The following ABCC2 variants were observed in gnomAD, a reference collection of about 807,000 sequenced individuals.
The protein encoded by ABCC2 is ATP-binding cassette sub-family C member 2.
ABCC2 carries 157 observed loss-of-function variants against 173.4 expected under a neutral mutation model. The observed-to-expected ratio is 0.91, with a 90% CI of 0.80 to 1.03. The LOEUF (loss-of-function observed/expected upper bound fraction) is 1.03, where lower values mean the gene tolerates loss of function less well. Ranked by LOEUF, ABCC2 falls within the 50% of genes least tolerant of loss-of-function variation. ABCC2 has a pLI of 0.00. For missense variants in ABCC2, 1,822 were observed against 1,852.3 expected (o/e 0.98, Z 0.30); for synonymous variants, 657 against 693.5 (o/e 0.95, Z 0.83).
chr10:99,828,604 T>C (rs111876580), intron 19 of ABCC2, among the ~76,000 whole-genome samples: 4 of 152,368 alleles, frequency 2.6e-5, no homozygotes, highest in African/African-American at 9.6e-5. Context: ...TATATGTTTG[T>C]TTCATTTCCT....
chr10:99,847,183 C>CTCCTCGTGT lies in ABCC2; in HGVS notation c.4313+67_4313+75dup, dbSNP rs1450800313. ...GCAATGAGAGGATGTGAGGGGGCCACTCCTCGTGTTCCTCGTGTTAGGTGA... is the reference window on the plus strand; with the variant it reads ...GCAATGAGAGGATGTGAGGGGGCCACTCCTCGTGTTCCTCGTGTTCCTCGTGTTAGGTGA... On this transcript the variant is annotated intron_variant, in intron 30 of 31. Coordinates refer to ENST00000647814, the MANE Select transcript of ABCC2 (RefSeq NM_000392.5). 3.1e-6 allele frequency: 5 copies of CTCCTCGTGT among 1,593,132 alleles called. No individual in the cohort carries two copies. In the East Asian group the frequency reaches 1.1e-4, roughly 36 times the overall value.
At position 99,834,486 on chromosome 10, in the gene ABCC2, T is replaced by C; in HGVS notation, c.3365T>C (p.Val1122Ala). The C allele has an allele frequency of 6.2e-7, 1 of 1,614,220 alleles. No homozygotes were observed. Among genetic ancestry groups the C allele is most frequent in the Non-Finnish European group, 8.5e-7 (1 of 1,180,034 alleles). ...GTCATGATCTGCATGGCCACTCCTG[T>C]CTTCACCATCATCGTCATTCCTCTT... ...TLVMICMATP[V>A]FTIIVIPLGI... Residue 1122 changes from valine to alanine, a missense_variant, in exon 24 of 32, where the codon GTC becomes GCC. Physicochemically the swap from Val to Ala is moderately conservative, Grantham distance 64 (BLOSUM62 0). Coordinates refer to ENST00000647814, the MANE Select transcript of ABCC2 (RefSeq NM_000392.5).
In ABCC2 at chr10:99,794,417, C is replaced by T; in HGVS notation, c.581C>T (p.Pro194Leu). The change falls in exon 6 of 32, where the codon CCA becomes CTA. Residue 194 changes from proline (P) to leucine (L), a missense_variant. Pro to Leu is a moderately conservative substitution (Grantham distance 98). Transcript: ENST00000647814. ...FSENNESSNN[P>L]SSIASFLSSI... ...CGATTTTTTTGTGTCTTTCAGAATC[C>T]ATCATCCATAGCTTCATTCCTGAGT... is the stretch of plus-strand genomic sequence containing the variant. The T allele has an allele frequency of 5.6e-6, 9 of 1,613,844 alleles. No homozygotes were observed. The highest frequency in any genetic ancestry group is 7.6e-6 in the Non-Finnish European group (9 of 1,179,844).
At chr10:99,797,014 T>G in intron 6 of ABCC2, 83 bp from the exon 7 acceptor site, 1 of 1,210,764 alleles carries the variant, frequency 8.3e-7, no homozygotes, top group Non-Finnish European at 1.2e-6. Flanking sequence ...TCCCAGAACC[T>G]GGAGGTAGGT....
chr10:99,792,185 C>G (rs1181891303), intron 2 of ABCC2, 49 bp from the exon 3 acceptor site: 6 of 1,611,368 alleles, frequency 3.7e-6, no homozygotes, highest in East Asian at 2.2e-5. Flanking sequence ...GTTCTAAGAG[C>G]CTTATAAAGA....
Position 99,821,565 on chromosome 10 carries a change from G to A in ABCC2, c.2620+2296G>A, listed in dbSNP as rs935553149. ...TTAGGGAGTGGTGATGACTCTTAAC[G>A]AGCATGCTGCCTTCAAGCATCTGTT... is the stretch of plus-strand genomic sequence containing the variant. On this transcript the variant is annotated intron_variant, in intron 19 of 31. Coordinates refer to ENST00000647814, the MANE Select transcript of ABCC2 (RefSeq NM_000392.5). 1.1e-4 allele frequency among the ~76,000 whole-genome samples: 16 copies of A among 152,194 alleles called. No homozygotes were observed. The South Asian group carries it at 2.3e-3, about 22-fold the overall frequency.
Position 99,831,969 on chromosome 10 carries a change from A to G in ABCC2, c.3104-8A>G, listed in dbSNP as rs1590182778. 6.2e-7 allele frequency: 1 copy of G among 1,614,186 alleles called. No individual in the cohort carries two copies. Among genetic ancestry groups the G allele is most frequent in the Admixed American group, 1.7e-5 (1 of 60,026 alleles). On this transcript the variant is annotated splice_region_variant and splice_polypyrimidine_tract_variant and intron_variant, in intron 22 of 31. Coordinates refer to ENST00000647814, the MANE Select transcript of ABCC2 (RefSeq NM_000392.5). Reference sequence around the variant, plus strand: ...GCATGGTGCTGACAAAACTGCTTCCATCTCTAGGTATATTTGTGTTCATAG... The same window carrying G: ...GCATGGTGCTGACAAAACTGCTTCCGTCTCTAGGTATATTTGTGTTCATAG...
Position 99,851,810 on chromosome 10 carries a change from G to T in ABCC2, c.*179G>T. On this transcript the variant is annotated 3_prime_UTR_variant, in exon 32 of 32. Coordinates refer to ENST00000647814, the MANE Select transcript of ABCC2 (RefSeq NM_000392.5). Reference sequence around the variant, plus strand: ...AAAATAAATGTCACCAGGTACTTGAGAAACCCCTCGATTGTCTACCTCGAT... The same window carrying T: ...AAAATAAATGTCACCAGGTACTTGATAAACCCCTCGATTGTCTACCTCGAT... 1 of 577,400 alleles carries T rather than the reference G, an allele frequency of 1.7e-6. No homozygotes were observed. The highest frequency in any genetic ancestry group is 2.8e-6 in the Non-Finnish European group (1 of 351,362). The allele number at this position is 577,400 out of a possible 1,614,324, so 35.8% of individuals were successfully genotyped here.
chr10:99,794,608 G>C (rs1207280805), intron 6 of ABCC2, 140 bp downstream of exon 6: 1 of 794,084 alleles, frequency 1.3e-6, no homozygotes, highest in Non-Finnish European at 2.0e-6. Flanking sequence ...GCAATGGTGT[G>C]ATCTTGGCTC....
At chr10:99,825,538 A>C (rs573546132) in intron 19 of ABCC2, among the ~76,000 whole-genome samples, 1 of 152,192 alleles carries the variant, frequency 6.6e-6, no homozygotes, top group South Asian at 2.1e-4. Flanking sequence ...TTTTTATTTC[A>C]CTATTTCCAC....
chr10:99,808,365 C>A, intron 13 of ABCC2, 136 bp downstream of exon 13: 1 of 1,208,952 alleles, frequency 8.3e-7, no homozygotes, highest in African/African-American at 1.5e-5. Context: ...TCTCTGGAGA[C>A]CAATGGTTTG....
In ABCC2 at chr10:99,782,914, C is replaced by T. The variant is rs775146520; in HGVS notation, c.33+37C>T. The T allele has an allele frequency of 6.8e-6, 11 of 1,608,616 alleles. No homozygotes were observed. The South Asian group carries it at 1.1e-4, about 16-fold the overall frequency. ...CATTTATCTTCATATTGACTCTTCT[C>T]AGACTCAGAACAAGTGGTAGTTAGT... On this transcript the variant is annotated intron_variant, in intron 1 of 31. Transcript: ENST00000647814.
intron 11 of ABCC2, among the ~76,000 whole-genome samples, chr10:99,806,077 CTGTGTG>C (rs10559742): frequency 0.2 from 28,864 of 147,870 alleles, 2,846 homozygotes; most frequent in South Asian, 0.26. Context: ...CTCTCTCTGT[CTGTGTG>C]TGTGTGTGTG....
intron 18 of ABCC2, 24 bp from the exon 19 acceptor site, chr10:99,819,065 C>G (rs768337743): frequency 1.3e-4 from 205 of 1,613,640 alleles, no homozygotes; most frequent in Middle Eastern, 8.2e-4. Context: ...TGGTAATCAA[C>G]ACAACTTCAT....
Position 99,813,059 on chromosome 10 carries a change from T to C in ABCC2, c.2009T>C (p.Ile670Thr), listed in dbSNP as rs17222632. Residue 670 changes from isoleucine (I) to threonine (T), a missense_variant, in exon 16 of 32, where the codon ATA becomes ACA. By Grantham distance (89) the Ile-to-Thr change is moderately conservative. Transcript: ENST00000647814. ...ATGGCAGGCCAACTTGTGGCTGTGATAGGCCCTGTCGGCTCTGGGAAATCC... is the reference window on the plus strand; with the variant it reads ...ATGGCAGGCCAACTTGTGGCTGTGACAGGCCCTGTCGGCTCTGGGAAATCC... ...DIMAGQLVAVIGPVGSGKSSL... is the reference protein window; with the variant it reads ...DIMAGQLVAVTGPVGSGKSSL... 1,064 of 1,614,018 alleles carry C rather than the reference T, an allele frequency of 6.6e-4. 8 individuals are homozygous for C. In the African/African-American group the frequency reaches 0.013, roughly 19 times the overall value.
chr10:99,797,574 AAAT>A (rs2132991603), intron 7 of ABCC2: 1 of 490,404 alleles, frequency 2.0e-6, no homozygotes, highest in South Asian at 2.2e-5. Flanking sequence ...GTTTTGAAAA[AAAT>A]AATACCTTAG....
chr10:99,819,306 C>G (rs889480880), intron 19 of ABCC2, 37 bp downstream of exon 19: 1 of 1,591,262 alleles, frequency 6.3e-7, no homozygotes, highest in African/African-American at 1.3e-5. Flanking sequence ...AGAACTTGGG[C>G]CATGGGTGGA....
At chr10:99,845,906 C>T (rs2039009858) in intron 29 of ABCC2, 124 bp downstream of exon 29, 2 of 1,103,062 alleles carry the variant, frequency 1.8e-6, no homozygotes, top group African/African-American at 1.6e-5. Context: ...ACTCGGGATA[C>T]TTGAGCTAGT....
intron 19 of ABCC2, among the ~76,000 whole-genome samples, chr10:99,824,621 T>C (rs1040483124): frequency 2.7e-5 from 4 of 150,408 alleles, no homozygotes; most frequent in African/African-American, 9.7e-5. Flanking sequence ...TTATGGCTGG[T>C]ATAGTAAAGG....
Sources: allele counts gnomAD v4.1 joint callset (sites outside exome capture counted in the v4.1 genomes callset), GRCh38; gene constraint gnomAD v4.1.1; transcripts MANE v1.5; gene names NCBI Gene and HGNC (gene_info 2026-07-23, HGNC 2026-07-21).